Variants in RASGRF2 observed in about 807,000 individuals in gnomAD.
The protein encoded by RASGRF2 is Ras protein specific guanine nucleotide releasing factor 2.
In RASGRF2, 76 loss-of-function variants were observed where a neutral mutation model predicts 151.0. That is an observed-to-expected ratio of 0.50 (90% CI 0.42 to 0.61). RASGRF2 has a LOEUF of 0.61. RASGRF2 is among the 20% of genes least tolerant of loss of function. The pLI is 0.00. For synonymous variants in RASGRF2, 504 were observed against 566.5 expected, an observed-to-expected ratio of 0.89 and a Z score of 1.57; for missense variants, 1,148 against 1,564.6, an observed-to-expected ratio of 0.73 and a Z score of 4.49.
chr5:81,116,066 C>CT (rs575647502), intron 15 of RASGRF2, among the ~76,000 whole-genome samples: 3,744 of 48,970 alleles, frequency 0.076, 1,271 homozygotes, highest in Non-Finnish European at 0.11. Context: ...AATGCCATTT[C>CT]TTTTTTTTTT....
chr5:81,153,692 TG>T (rs1383070643), intron 17 of RASGRF2, among the ~76,000 whole-genome samples: 2 of 151,964 alleles, frequency 1.3e-5, no homozygotes, highest in African/African-American at 4.8e-5. Flanking sequence ...AATAGAAAAA[TG>T]GCGGATATAA....
intron 9 of RASGRF2, chr5:81,087,647 A>T: frequency 2.1e-6 from 1 of 486,606 alleles, no homozygotes; most frequent in Non-Finnish European, 3.6e-6. Context: ...TCAAAATGCA[A>T]GACGTAAACC....
chr5:81,091,907 G>C (rs1752400278), intron 9 of RASGRF2, among the ~76,000 whole-genome samples: 1 of 152,146 alleles, frequency 6.6e-6, no homozygotes, highest in African/African-American at 2.4e-5. Flanking sequence ...TGGGGTAGGT[G>C]GTAGGTTAAA....
chr5:81,219,563 G>A, intron 25 of RASGRF2, 147 bp from the exon 26 acceptor site: 1 of 573,276 alleles, frequency 1.7e-6, no homozygotes, highest in South Asian at 2.6e-5. Flanking sequence ...ACCAACCATA[G>A]GGAATGGTCA....
chr5:81,175,212 T>C (rs1279934155), intron 17 of RASGRF2, among the ~76,000 whole-genome samples: 1 of 152,218 alleles, frequency 6.6e-6, no homozygotes, highest in Admixed American at 6.5e-5. Context: ...GCCGCATTAC[T>C]TATGGTACTA....
At chr5:81,017,683 A>G (rs1749682485) in intron 1 of RASGRF2, among the ~76,000 whole-genome samples, 1 of 152,236 alleles carries the variant, frequency 6.6e-6, no homozygotes, top group South Asian at 2.1e-4. Flanking sequence ...TCTTTAATTC[A>G]CACAGAATAT....
chr5:81,190,844 T>G (rs1755139580), intron 18 of RASGRF2, among the ~76,000 whole-genome samples: 1 of 152,254 alleles, frequency 6.6e-6, no homozygotes, highest in Non-Finnish European at 1.5e-5. Flanking sequence ...TTTCATTAGC[T>G]GCCGAAACAG....
Position 81,173,511 on chromosome 5 carries a change from C to T in RASGRF2, c.2687-6664C>T, listed in dbSNP as rs143423259. ...CATAATCCTAACTGTTATCCTAACT[C>T]ATCTCTCCAGAAACAGTATGTCAAT... On this transcript the variant is annotated intron_variant, in intron 17 of 26. Transcript: ENST00000265080. 3.9e-5 allele frequency among the ~76,000 whole-genome samples: 6 copies of T among 152,336 alleles called. No homozygotes were observed. The South Asian group carries it at 1.0e-3, about 26-fold the overall frequency.
At chr5:81,048,717 C>T (rs961284681) in intron 2 of RASGRF2, among the ~76,000 whole-genome samples, 8 of 152,184 alleles carry the variant, frequency 5.3e-5, no homozygotes, top group African/African-American at 1.7e-4. Context: ...GAACCATCCC[C>T]GGTTCAAGAC....
chr5:81,026,871 A>G lies in RASGRF2; in HGVS notation c.289-16006A>G, dbSNP rs114382620. 3.4e-3 allele frequency among the ~76,000 whole-genome samples: 524 copies of G among 152,336 alleles called. 4 individuals are homozygous for G. Among genetic ancestry groups the G allele is most frequent in the African/African-American group, 0.012 (509 of 41,588 alleles). On this transcript the variant is annotated intron_variant, in intron 1 of 26. Transcript: ENST00000265080. ...CAGGAGCCCAATAAACAATTATTTAATAAAAGACAGGTCAAAGTCAACCAG... is the reference window on the plus strand; with the variant it reads ...CAGGAGCCCAATAAACAATTATTTAGTAAAAGACAGGTCAAAGTCAACCAG...
At chr5:81,059,199 C>T (rs535972113) in intron 2 of RASGRF2, among the ~76,000 whole-genome samples, 8 of 151,006 alleles carry the variant, frequency 5.3e-5, no homozygotes, top group African/African-American at 1.9e-4. Context: ...CTGGCTAACA[C>T]GGTGAAACCC....
chr5:80,970,187 A>G (rs566790454), intron 1 of RASGRF2, among the ~76,000 whole-genome samples: 1 of 152,138 alleles, frequency 6.6e-6, no homozygotes, highest in Admixed American at 6.5e-5. Flanking sequence ...TTTCACAATC[A>G]ATTCTGAGAC....
At chr5:81,197,614 T>C (rs1170080277) in intron 18 of RASGRF2, among the ~76,000 whole-genome samples, 1 of 152,230 alleles carries the variant, frequency 6.6e-6, no homozygotes, top group Non-Finnish European at 1.5e-5. Context: ...TAATTGTTTT[T>C]ACCAAATATA....
intron 2 of RASGRF2, among the ~76,000 whole-genome samples, chr5:81,060,093 A>T (rs1751372504): frequency 6.6e-6 from 1 of 152,154 alleles, no homozygotes; most frequent in South Asian, 2.1e-4. Flanking sequence ...ATCTCATGAG[A>T]ACTCATTCAC....
chr5:81,110,161 A>C (rs890632986), intron 13 of RASGRF2, among the ~76,000 whole-genome samples: 2 of 152,216 alleles, frequency 1.3e-5, no homozygotes, highest in Non-Finnish European at 2.9e-5. Flanking sequence ...AAGAAAAAAA[A>C]TTATCTTATT....
At position 81,068,018 on chromosome 5, in the gene RASGRF2, A is replaced by G. The variant is rs747903015; in HGVS notation, c.396-14A>G. On this transcript the variant is annotated splice_polypyrimidine_tract_variant and intron_variant, in intron 2 of 26. Coordinates refer to ENST00000265080, the MANE Select transcript of RASGRF2 (RefSeq NM_006909.3). ...ACAATATCTCAATGACTAACTGTGTAATTTTCTCTCAAGTTATGCAGACAT... is the reference window on the plus strand; with the variant it reads ...ACAATATCTCAATGACTAACTGTGTGATTTTCTCTCAAGTTATGCAGACAT... The G allele has an allele frequency of 2.5e-6, 4 of 1,587,178 alleles. No homozygotes were observed. The highest frequency in any genetic ancestry group is 3.4e-6 in the Non-Finnish European group (4 of 1,164,628).
chr5:81,008,042 T>C (rs921046642), intron 1 of RASGRF2, among the ~76,000 whole-genome samples: 3 of 152,214 alleles, frequency 2.0e-5, no homozygotes, highest in South Asian at 4.1e-4. Context: ...AAAATTGCAC[T>C]GTCTCGTCTG....
intron 12 of RASGRF2, among the ~76,000 whole-genome samples, chr5:81,108,447 T>C (rs911393576): frequency 6.6e-6 from 1 of 152,220 alleles, no homozygotes; most frequent in African/African-American, 2.4e-5. Context: ...TTAGTATCAG[T>C]AGGGGCTGCC....
intron 12 of RASGRF2, among the ~76,000 whole-genome samples, chr5:81,102,136 C>T (rs926923789): frequency 1.3e-5 from 2 of 152,108 alleles, no homozygotes; most frequent in Non-Finnish European, 2.9e-5. Flanking sequence ...AAAGCCATAG[C>T]AGAAAGCTTG....
Sources: allele counts gnomAD v4.1 joint callset (sites outside exome capture counted in the v4.1 genomes callset), GRCh38; gene constraint gnomAD v4.1.1; transcripts MANE v1.5; gene names NCBI Gene and HGNC (gene_info 2026-07-23, HGNC 2026-07-21).